REEP1: variants seen among roughly 807,000 people sequenced by gnomAD.
The protein encoded by REEP1 is receptor expression-enhancing protein 1.
REEP1 carries 22 observed loss-of-function variants against 40.3 expected under a neutral mutation model. That is an observed-to-expected ratio of 0.55 (90% confidence interval 0.39 to 0.78). The LOEUF (loss-of-function observed/expected upper bound fraction) is 0.78, where lower values mean the gene tolerates loss of function less well. Ranked by LOEUF, REEP1 falls within the 30% of genes least tolerant of loss-of-function variation. REEP1 has a pLI of 0.00. For missense variants in REEP1, 280 were observed against 361.1 expected (o/e 0.78, Z 1.82); for synonymous variants, 116 against 139.2 (o/e 0.83, Z 1.17).
At chr2:86,319,450 GCTCA>G (rs10546616) in intron 1 of REEP1, among the ~76,000 whole-genome samples, 90,503 of 151,644 alleles carry the variant, frequency 0.6, 27,525 homozygotes, top group African/African-American at 0.72. Context: ...GGGCAGAGTG[GCTCA>G]CTCACGCCTG....
At chr2:86,238,091 G>C (rs1489574020) in intron 5 of REEP1, among the ~76,000 whole-genome samples, 1 of 152,210 alleles carries the variant, frequency 6.6e-6, no homozygotes, top group Non-Finnish European at 1.5e-5. Context: ...TGAGGCAGGA[G>C]AATCGCTTGA....
At position 86,216,409 on chromosome 2, in the gene REEP1, C is replaced by G. The variant is rs60838463; in HGVS notation, c.*630G>C. 1 of 152,298 alleles carries G rather than the reference C, an allele frequency of 6.6e-6. No individual in the cohort carries two copies. The highest frequency in any genetic ancestry group is 1.9e-4 in the East Asian group (1 of 5,190). The allele number at this position is 152,298 out of a possible 1,614,324, so 9.4% of individuals were successfully genotyped here. ...TAAACAACTATCTAAAGAATATAGA[C>G]CACACTCCTGCAGGGAAAGGGATGT... On this transcript the variant is annotated 3_prime_UTR_variant, in exon 9 of 9. Transcript: ENST00000538924.
intron 1 of REEP1, among the ~76,000 whole-genome samples, chr2:86,307,828 C>A (rs1403664065): frequency 2.6e-5 from 4 of 151,886 alleles, no homozygotes; most frequent in Non-Finnish European, 4.4e-5. Context: ...ATACAAAATT[C>A]TTAATATGTA....
At chr2:86,264,545 C>T (rs1677043409) in intron 2 of REEP1, among the ~76,000 whole-genome samples, 1 of 152,074 alleles carries the variant, frequency 6.6e-6, no homozygotes, top group Admixed American at 6.5e-5. Context: ...CTCCTACTTC[C>T]CTTGTTTCCT....
intron 1 of REEP1, among the ~76,000 whole-genome samples, chr2:86,300,685 C>T (rs561681913): frequency 2.1e-4 from 32 of 152,266 alleles, no homozygotes; most frequent in African/African-American, 6.3e-4. Flanking sequence ...CAACTCCCTG[C>T]CTCTTTACAA....
intron 6 of REEP1, among the ~76,000 whole-genome samples, chr2:86,231,482 T>G (rs1465081989): frequency 2.6e-5 from 4 of 152,230 alleles, no homozygotes; most frequent in Non-Finnish European, 1.5e-5. Context: ...GCAGGCCTCA[T>G]GCCTTCCTGT....
chr2:86,288,274 C>T (rs771562915), intron 1 of REEP1, among the ~76,000 whole-genome samples: 29 of 152,196 alleles, frequency 1.9e-4, no homozygotes, highest in Middle Eastern at 6.8e-3. Context: ...CCACCTGCCT[C>T]GGCCTCCCAA....
At chr2:86,332,141 C>G (rs1332863000) in intron 1 of REEP1, among the ~76,000 whole-genome samples, 2 of 152,126 alleles carry the variant, frequency 1.3e-5, no homozygotes, top group Admixed American at 1.3e-4. Flanking sequence ...CAGATGAGAT[C>G]TGAAAATTCA....
At chr2:86,252,140 T>G (rs993040612) in intron 4 of REEP1, 70 bp from the exon 5 acceptor site, 20 of 1,133,574 alleles carry the variant, frequency 1.8e-5, no homozygotes, top group Admixed American at 1.0e-4. Context: ...TTTCCTTTCC[T>G]CTGAGCATTG....
intron 3 of REEP1, among the ~76,000 whole-genome samples, chr2:86,262,389 G>C (rs1324929565): frequency 6.6e-6 from 1 of 152,226 alleles, no homozygotes; most frequent in African/African-American, 2.4e-5. Context: ...GCTTCATCCA[G>C]AGTCTGCTGC....
intron 7 of REEP1, among the ~76,000 whole-genome samples, chr2:86,225,891 C>T (rs948275657): frequency 2.0e-5 from 3 of 152,188 alleles, no homozygotes; most frequent in Admixed American, 1.3e-4. Flanking sequence ...TAGTCCAGGA[C>T]CCTCACTAGT....
At chr2:86,290,727 A>T (rs1678650387) in intron 1 of REEP1, among the ~76,000 whole-genome samples, 1 of 152,186 alleles carries the variant, frequency 6.6e-6, no homozygotes, top group Non-Finnish European at 1.5e-5. Context: ...GACCTTTACC[A>T]TACTGCCCCA....
intron 1 of REEP1, among the ~76,000 whole-genome samples, chr2:86,331,464 C>T (rs1680757433): frequency 6.6e-6 from 1 of 151,838 alleles, no homozygotes; most frequent in Non-Finnish European, 1.5e-5. Context: ...GATATACACA[C>T]CTAAGTATGC....
rs542013278 is a variant in REEP1, at chr2:86,238,472, C to G, written c.418-5670G>C. Among the ~76,000 whole-genome samples the G allele has an allele frequency of 9.2e-5, 14 of 152,288 alleles. No individual in the cohort carries two copies. The South Asian group carries it at 2.7e-3, about 29-fold the overall frequency. On this transcript the variant is annotated intron_variant, in intron 5 of 8. Coordinates refer to ENST00000538924, the MANE Select transcript of REEP1 (RefSeq NM_001371279.1). ...TTGTCTGTTTTATTCACTATTGCAGCCTTGGCATCTGCCACTCTACTTGAT... is the reference window on the plus strand; with the variant it reads ...TTGTCTGTTTTATTCACTATTGCAGGCTTGGCATCTGCCACTCTACTTGAT...
intron 1 of REEP1, among the ~76,000 whole-genome samples, chr2:86,307,792 TCTATTA>T (rs1451118911): frequency 6.6e-6 from 1 of 152,032 alleles, no homozygotes; most frequent in Non-Finnish European, 1.5e-5. Flanking sequence ...CAGAAGACTT[TCTATTA>T]CGTTACCAAG....
intron 7 of REEP1, 32 bp downstream of exon 7, chr2:86,227,331 G>A: frequency 1.6e-6 from 2 of 1,232,230 alleles, no homozygotes; most frequent in Non-Finnish European, 2.0e-6. Context: ...TGAGAGTCCA[G>A]CACGCTGCGG....
intron 7 of REEP1, among the ~76,000 whole-genome samples, chr2:86,223,257 C>T (rs1424484675): frequency 6.6e-6 from 1 of 152,158 alleles, no homozygotes; most frequent in Admixed American, 6.5e-5. Context: ...GCCAGGGCTG[C>T]AGGCTCCACC....
chr2:86,277,708 T>C (rs1456507166), intron 2 of REEP1, among the ~76,000 whole-genome samples: 3 of 152,262 alleles, frequency 2.0e-5, no homozygotes, highest in East Asian at 1.9e-4. Context: ...AACGGGAGCA[T>C]GAATTGGATG....
chr2:86,267,679 C>T (rs1409131075), intron 2 of REEP1, among the ~76,000 whole-genome samples: 4 of 151,934 alleles, frequency 2.6e-5, no homozygotes, highest in Non-Finnish European at 5.9e-5. Flanking sequence ...GAGCAAGATC[C>T]TACCTCAAAA....
Sources: gnomAD v4.1 joint callset for allele counts (sites outside exome capture counted in the v4.1 genomes callset) on GRCh38, gnomAD v4.1.1 for gene constraint, MANE v1.5 for transcripts, NCBI Gene and HGNC (gene_info 2026-07-23, HGNC 2026-07-21) for gene names.